ECHDC1: variants seen among roughly 807,000 people sequenced by gnomAD.
ECHDC1 encodes ethylmalonyl-CoA decarboxylase 1, also known as ethylmalonyl-CoA decarboxylase.
Under a neutral mutation model 29.7 loss-of-function variants are expected in ECHDC1, and 29 were observed. The ratio of observed to expected loss-of-function variants is 0.98; its 90% CI spans 0.73 to 1.33. The LOEUF is 1.33. Ranked by LOEUF, ECHDC1 falls within the 40% of genes most tolerant of loss-of-function variation. The pLI, the probability that ECHDC1 is intolerant of heterozygous loss-of-function variation, is 0.00. For missense variants in ECHDC1, 328 were observed against 350.0 expected (o/e 0.94, Z 0.50); for synonymous variants, 126 against 123.1 (o/e 1.02, Z -0.15).
chr6:127,334,138 T>A (rs767287754), intron 1 of ECHDC1, among the ~76,000 whole-genome samples: 2 of 152,184 alleles, frequency 1.3e-5, no homozygotes, highest in African/African-American at 2.4e-5. Flanking sequence ...CTTATGCCTG[T>A]ACTCCTTAGT....
At chr6:127,296,663 CA>C (rs938984812) in intron 5 of ECHDC1, among the ~76,000 whole-genome samples, 5 of 151,988 alleles carry the variant, frequency 3.3e-5, no homozygotes, top group Admixed American at 1.3e-4. Context: ...AATAATTCAC[CA>C]AAAAAAATTT....
At chr6:127,329,971 T>C (rs9401949) in intron 2 of ECHDC1, 41,940 of 419,992 alleles carry the variant, frequency 0.1, 5,534 homozygotes, top group East Asian at 0.56. Flanking sequence ...ATTATGTCTA[T>C]AGTACAACTG....
At chr6:127,311,238 T>C (rs1308217776) in intron 5 of ECHDC1, among the ~76,000 whole-genome samples, 1 of 151,740 alleles carries the variant, frequency 6.6e-6, no homozygotes, top group East Asian at 1.9e-4. Context: ...GAACAAACAC[T>C]CCAATTAAAA....
intron 3 of ECHDC1, among the ~76,000 whole-genome samples, chr6:127,326,034 T>C (rs769835341): frequency 1.3e-5 from 2 of 152,126 alleles, no homozygotes; most frequent in Non-Finnish European, 2.9e-5. Flanking sequence ...CATATATAAA[T>C]GAAATCATAC....
intron 4 of ECHDC1, chr6:127,315,961 CTT>C (rs1266529307): frequency 6.4e-6 from 3 of 470,686 alleles, no homozygotes; most frequent in East Asian, 1.4e-4. Context: ...AATTTTTCCT[CTT>C]TGCTTCTTTA....
At chr6:127,317,607 A>G (rs1324276023) in intron 3 of ECHDC1, among the ~76,000 whole-genome samples, 1 of 152,182 alleles carries the variant, frequency 6.6e-6, no homozygotes, top group East Asian at 1.9e-4. Context: ...ATATACCTAG[A>G]AACTCTATAA....
chr6:127,315,225 G>A, intron 4 of ECHDC1: 1 of 469,674 alleles, frequency 2.1e-6, no homozygotes, highest in Non-Finnish European at 4.1e-6. Flanking sequence ...ACAGCTCCTG[G>A]AACTTCTCAG....
Position 127,297,814 on chromosome 6 carries a change from G to C in ECHDC1, c.498-7537C>G, listed in dbSNP as rs1780734726. On this transcript the variant is annotated intron_variant, in intron 5 of 5. Transcript: ENST00000454859. ...GAGATGAGGGGAGTTTCTTATAAAA[G>C]CTTTTGGATTCAACTGTAAAAACAG... 3.3e-5 allele frequency among the ~76,000 whole-genome samples: 5 copies of C among 152,096 alleles called. No homozygotes were observed. In the South Asian group the frequency reaches 1.0e-3, roughly 32 times the overall value.
At chr6:127,328,981 C>T (rs190210033) in intron 2 of ECHDC1, among the ~76,000 whole-genome samples, 139 of 152,040 alleles carry the variant, frequency 9.1e-4, no homozygotes, top group African/African-American at 3.2e-3. Context: ...GAGCTGAGAT[C>T]GCGCCACTGC....
intron 5 of ECHDC1, among the ~76,000 whole-genome samples, chr6:127,296,811 C>A (rs781347380): frequency 2.0e-5 from 3 of 152,046 alleles, no homozygotes; most frequent in Non-Finnish European, 4.4e-5. Context: ...TTGAGACCAG[C>A]CTGGGCAACA....
intron 5 of ECHDC1, among the ~76,000 whole-genome samples, chr6:127,304,208 T>G (rs931989943): frequency 1.3e-5 from 2 of 152,078 alleles, no homozygotes; most frequent in Non-Finnish European, 2.9e-5. Context: ...GAGAGAGAGA[T>G]GTCATTTGTT....
chr6:127,330,757 A>T (rs1465887600), intron 2 of ECHDC1, 52 bp downstream of exon 2: 11 of 1,492,460 alleles, frequency 7.4e-6, no homozygotes, highest in Non-Finnish European at 8.3e-6. Flanking sequence ...AAAACTTGTG[A>T]TAACAGTTTA....
chr6:127,292,821 C>T (rs3798850), intron 5 of ECHDC1, among the ~76,000 whole-genome samples: 110,905 of 151,804 alleles, frequency 0.73, 40,677 homozygotes, highest in East Asian at 0.78. Flanking sequence ...GGATAATCTA[C>T]GTAGAGTAAT....
At chr6:127,337,719 A>C (rs76880977) in intron 1 of ECHDC1, among the ~76,000 whole-genome samples, 3,794 of 152,260 alleles carry the variant, frequency 0.025, 67 homozygotes, top group East Asian at 0.1. Context: ...CGCATCAACA[A>C]CACCTATATT....
chr6:127,335,013 AT>A (rs1784309605), intron 1 of ECHDC1, among the ~76,000 whole-genome samples: 1 of 152,118 alleles, frequency 6.6e-6, no homozygotes, highest in Non-Finnish European at 1.5e-5. Context: ...ATGAGGGAGA[AT>A]GTAGGCAAGT....
chr6:127,340,462 T>TA (rs1372255133), intron 1 of ECHDC1, among the ~76,000 whole-genome samples: 3 of 152,190 alleles, frequency 2.0e-5, no homozygotes, highest in Non-Finnish European at 4.4e-5. Flanking sequence ...CCAAATAGCC[T>TA]AGAGCTCAGG....
At chr6:127,332,983 GAGTT>G (rs1285939034) in intron 1 of ECHDC1, among the ~76,000 whole-genome samples, 1 of 152,152 alleles carries the variant, frequency 6.6e-6, no homozygotes, top group Non-Finnish European at 1.5e-5. Flanking sequence ...AGTAAAGACA[GAGTT>G]TCGCCATTTT....
chr6:127,330,131 C>T (rs910781502), intron 2 of ECHDC1, among the ~76,000 whole-genome samples: 4 of 152,268 alleles, frequency 2.6e-5, no homozygotes, highest in East Asian at 3.8e-4. Flanking sequence ...TTCAACAAGG[C>T]TACTCATTAG....
At chr6:127,304,634 C>T (rs538046827) in intron 5 of ECHDC1, among the ~76,000 whole-genome samples, 142 of 152,218 alleles carry the variant, frequency 9.3e-4, no homozygotes, top group African/African-American at 2.9e-3. Flanking sequence ...TTTGACAAAA[C>T]TCAAAGAAAT....
Sources: gnomAD v4.1 joint callset for allele counts (sites outside exome capture counted in the v4.1 genomes callset) on GRCh38, gnomAD v4.1.1 for gene constraint, MANE v1.5 for transcripts, NCBI Gene and HGNC (gene_info 2026-07-23, HGNC 2026-07-21) for gene names.